SHC3: variants seen among roughly 807,000 people sequenced by gnomAD.
The protein encoded by SHC3 is SHC adaptor protein 3, also known as SHC-transforming protein 3.
A neutral mutation model predicts 60.4 loss-of-function variants in SHC3; 15 were observed. The observed-to-expected ratio is 0.25, with a 90% CI of 0.17 to 0.38. The LOEUF (loss-of-function observed/expected upper bound fraction) is 0.38. SHC3 is among the 10% of genes least tolerant of loss of function. The probability of loss-of-function intolerance (pLI) is 1.00; values close to 1 mark genes in which losing one functional copy is unlikely to be tolerated. For synonymous variants in SHC3, 294 were observed against 325.9 expected, an observed-to-expected ratio of 0.90 and a Z score of 1.05; for missense variants, 677 against 786.1, an observed-to-expected ratio of 0.86 and a Z score of 1.66.
chr9:89,130,122 C>A (rs1826222786), intron 1 of SHC3, among the ~76,000 whole-genome samples: 1 of 152,014 alleles, frequency 6.6e-6, no homozygotes. Flanking sequence ...AATCCTAGTC[C>A]CTGATAAAAC....
intron 1 of SHC3, among the ~76,000 whole-genome samples, chr9:89,144,976 A>G (rs1826447745): frequency 1.3e-5 from 2 of 152,176 alleles, no homozygotes; most frequent in African/African-American, 4.8e-5. Context: ...ACCCAAGGAA[A>G]TCAAGAAGGA....
intron 5 of SHC3, among the ~76,000 whole-genome samples, 195 bp from the exon 6 acceptor site, chr9:89,065,775 A>G (rs1007817607): frequency 7.2e-5 from 11 of 152,132 alleles, no homozygotes; most frequent in Admixed American, 2.6e-4. Context: ...GAGGTCTCAC[A>G]TTGCAGACTT....
chr9:89,028,171 G>A (rs933146116), intron 11 of SHC3, among the ~76,000 whole-genome samples: 7 of 152,102 alleles, frequency 4.6e-5, no homozygotes, highest in African/African-American at 1.7e-4. Context: ...GCCCACACAT[G>A]TCATTCCCTC....
At chr9:89,155,579 G>T (rs1474865437) in intron 1 of SHC3, among the ~76,000 whole-genome samples, 1 of 152,100 alleles carries the variant, frequency 6.6e-6, no homozygotes, top group Non-Finnish European at 1.5e-5. Context: ...GACTTGTTCT[G>T]GAGTGCCACT....
intron 4 of SHC3, 75 bp downstream of exon 4, chr9:89,075,034 T>C (rs976566568): frequency 3.2e-6 from 5 of 1,555,116 alleles, no homozygotes; most frequent in African/African-American, 2.7e-5. Context: ...TCAGTAAAGC[T>C]GCAAGGAAGA....
intron 1 of SHC3, among the ~76,000 whole-genome samples, chr9:89,152,282 TC>T (rs1231530033): frequency 1.3e-5 from 2 of 152,246 alleles, no homozygotes. Flanking sequence ...GGGTTGTTCT[TC>T]CTCTCCCAGT....
chr9:89,105,335 A>G (rs192272345), intron 2 of SHC3, among the ~76,000 whole-genome samples: 7 of 152,310 alleles, frequency 4.6e-5, no homozygotes, highest in Admixed American at 6.5e-5. Context: ...ATCTGGTCTC[A>G]GACAATTTGC....
intron 1 of SHC3, among the ~76,000 whole-genome samples, chr9:89,149,521 C>T (rs973010733): frequency 2.0e-5 from 3 of 152,118 alleles, no homozygotes; most frequent in Admixed American, 6.5e-5. Context: ...AGGATCCTGT[C>T]GTCTAAAGTC....
At position 89,012,094 on chromosome 9, in the gene SHC3, G is replaced by A. The variant is rs1486926264; in HGVS notation, c.*1353C>T. ...CCTACAGGGTGCTGTACCCTGTGGG[G>A]TCTCACCAGAACAAGAGCCACGCTG... is the stretch of plus-strand genomic sequence containing the variant. On this transcript the variant is annotated 3_prime_UTR_variant, in exon 12 of 12. Coordinates refer to ENST00000375835, the MANE Select transcript of SHC3 (RefSeq NM_016848.6). The A allele has an allele frequency of 1.3e-5, 2 of 152,148 alleles. No individual in the cohort carries two copies. The highest frequency in any genetic ancestry group is 2.9e-5 in the Non-Finnish European group (2 of 68,040). 9.4% of individuals were successfully genotyped at this position (152,148 alleles called of 1,614,324 possible).
At position 89,078,704 on chromosome 9, in the gene SHC3, C is replaced by T. The variant is rs542069067; in HGVS notation, c.546-801G>A. On this transcript the variant is annotated intron_variant, in intron 2 of 11. Coordinates refer to ENST00000375835, the MANE Select transcript of SHC3 (RefSeq NM_016848.6). ...AGGGAATGCTGGAGAGGAAACACAG[C>T]TCAACCTCATGATCCAGCCTAAGTG... Among the ~76,000 whole-genome samples the T allele has an allele frequency of 1.5e-4, 23 of 152,276 alleles. 1 individual carries two copies. In the South Asian group the frequency reaches 4.4e-3, roughly 29 times the overall value.
chr9:89,160,391 C>T (rs898614988), intron 1 of SHC3, among the ~76,000 whole-genome samples: 8 of 152,186 alleles, frequency 5.3e-5, no homozygotes, highest in Non-Finnish European at 1.2e-4. Flanking sequence ...TGATCTCTTA[C>T]CACATAATTA....
intron 1 of SHC3, among the ~76,000 whole-genome samples, chr9:89,161,181 C>T (rs1001813205): frequency 3.3e-5 from 5 of 152,162 alleles, no homozygotes; most frequent in Admixed American, 2.6e-4. Flanking sequence ...CTCGTAGGAC[C>T]CCATACGATC....
intron 2 of SHC3, among the ~76,000 whole-genome samples, chr9:89,094,395 G>T (rs998771019): frequency 6.6e-6 from 1 of 152,164 alleles, no homozygotes; most frequent in African/African-American, 2.4e-5. Context: ...GACAAGGCCT[G>T]GGAAGGCCTA....
At chr9:89,059,640 ACGTGATGGAG>A (rs1825036344) in intron 6 of SHC3, among the ~76,000 whole-genome samples, 1 of 94,222 alleles carries the variant, frequency 1.1e-5, no homozygotes. Context: ...GTGGTGGAGG[ACGTGATGGAG>A]GATGGTGGTG....
Position 89,013,409 on chromosome 9 carries a change from T to A in SHC3, c.*38A>T. ...GATTCTAGTCCACTCCAGGTCCTCC[T>A]GACCTGGTGCGCAGTGCTGGGAGCA... On this transcript the variant is annotated 3_prime_UTR_variant, in exon 12 of 12. Coordinates refer to ENST00000375835, the MANE Select transcript of SHC3 (RefSeq NM_016848.6). 1 of 1,499,698 alleles carries A rather than the reference T, an allele frequency of 6.7e-7. No individual in the cohort carries two copies. The highest frequency in any genetic ancestry group is 8.9e-7 in the Non-Finnish European group (1 of 1,120,262). 92.9% of individuals were successfully genotyped at this position (1,499,698 alleles called of 1,614,324 possible). A position where few individuals can be genotyped will look rare whatever the true frequency, so the allele number is the denominator to read the frequency against.
intron 5 of SHC3, among the ~76,000 whole-genome samples, chr9:89,069,846 C>T (rs1280571780): frequency 6.6e-6 from 1 of 152,244 alleles, no homozygotes; most frequent in Non-Finnish European, 1.5e-5. Flanking sequence ...AATGTCAAGG[C>T]TCTGGAGTCT....
At chr9:89,140,318 C>A (rs901685733) in intron 1 of SHC3, among the ~76,000 whole-genome samples, 2 of 151,898 alleles carry the variant, frequency 1.3e-5, no homozygotes, top group African/African-American at 4.8e-5. Context: ...GCAGGGACAG[C>A]TGGAAGGCAA....
intron 6 of SHC3, among the ~76,000 whole-genome samples, chr9:89,065,165 G>C (rs1274303577): frequency 6.6e-6 from 1 of 152,146 alleles, no homozygotes; most frequent in Non-Finnish European, 1.5e-5. Context: ...AGTAGCTAGG[G>C]GTGGCTTAGT....
At chr9:89,125,532 G>A (rs1160650826) in intron 1 of SHC3, among the ~76,000 whole-genome samples, 1 of 152,094 alleles carries the variant, frequency 6.6e-6, no homozygotes, top group African/African-American at 2.4e-5. Context: ...TGGGTAAAAT[G>A]AGGCTGAGAC....
Sources: gnomAD v4.1 joint callset for allele counts (sites outside exome capture counted in the v4.1 genomes callset) on GRCh38, gnomAD v4.1.1 for gene constraint, MANE v1.5 for transcripts, NCBI Gene and HGNC (gene_info 2026-07-23, HGNC 2026-07-21) for gene names.